The following GALNT13 variants were observed in gnomAD, a reference collection of about 807,000 sequenced individuals.
GALNT13 encodes polypeptide N-acetylgalactosaminyltransferase 13, also known as UDP-GalNAc:polypeptide N-acetylgalactosaminyltransferase 13.
A neutral mutation model predicts 64.2 loss-of-function variants in GALNT13; 28 were observed. The observed-to-expected ratio is 0.44, with a 90% CI of 0.32 to 0.60. The LOEUF is 0.60. GALNT13 is among the 20% of genes least tolerant of loss of function. GALNT13 has a pLI of 0.05. For missense variants in GALNT13, 577 were observed against 669.8 expected (o/e 0.86, Z 1.53); for synonymous variants, 214 against 224.6 (o/e 0.95, Z 0.42).
the GALNT13 span, among the ~76,000 whole-genome samples, chr2:153,220,579 A>G: frequency 6.6e-6 from 1 of 152,344 alleles, no homozygotes; most frequent in Middle Eastern, 3.4e-3. Context: ...GGGGTGCAAG[A>G]TGCTGGAAGC....
chr2:154,100,923 GGAGTTT>G (rs1414122375), intron 3 of GALNT13, among the ~76,000 whole-genome samples: 1 of 148,914 alleles, frequency 6.7e-6, no homozygotes, highest in African/African-American at 2.5e-5. Context: ...AGAGGATGTT[GGAGTTT>G]ATCAAGTGAT....
chr2:153,100,574 CATT>C, the GALNT13 span, among the ~76,000 whole-genome samples: 1 of 152,314 alleles, frequency 6.6e-6, no homozygotes, highest in African/African-American at 2.4e-5. Context: ...TTATCAGTCT[CATT>C]ATTTTATGCT....
intron 3 of GALNT13, among the ~76,000 whole-genome samples, chr2:154,066,980 A>G (rs1400903727): frequency 6.6e-6 from 1 of 152,120 alleles, no homozygotes; most frequent in Non-Finnish European, 1.5e-5. Flanking sequence ...AAAAAGTTAA[A>G]AAGGTTGGAG....
the GALNT13 span, among the ~76,000 whole-genome samples, chr2:153,579,016 C>T: frequency 3.9e-5 from 6 of 152,150 alleles, no homozygotes; most frequent in African/African-American, 7.2e-5. Context: ...CCAGTAAGAA[C>T]TTAAACTTTA....
At chr2:153,116,961 G>A in the GALNT13 span, among the ~76,000 whole-genome samples, 3 of 151,782 alleles carry the variant, frequency 2.0e-5, no homozygotes, top group South Asian at 2.1e-4. Flanking sequence ...CACCACGCCC[G>A]GCTAATATTT....
the GALNT13 span, among the ~76,000 whole-genome samples, chr2:153,420,230 A>C: frequency 6.6e-6 from 1 of 152,204 alleles, no homozygotes; most frequent in South Asian, 2.1e-4. Context: ...CTTATGCTTA[A>C]AAATGGTTAA....
intron 9 of GALNT13, among the ~76,000 whole-genome samples, chr2:154,309,166 T>C (rs780414343): frequency 3.9e-5 from 6 of 152,204 alleles, no homozygotes; most frequent in Non-Finnish European, 5.9e-5. Context: ...AAATGCTTAA[T>C]ACATGGGAAA....
chr2:153,267,392 G>A, the GALNT13 span, among the ~76,000 whole-genome samples: 9 of 152,322 alleles, frequency 5.9e-5, no homozygotes, highest in East Asian at 1.7e-3. Flanking sequence ...TGGACATACA[G>A]GTGTTTCCAT....
chr2:153,840,813 C>T, the GALNT13 span, among the ~76,000 whole-genome samples: 7 of 152,260 alleles, frequency 4.6e-5, no homozygotes, highest in South Asian at 1.2e-3. Context: ...TAATGTTGCT[C>T]ATTGGACAAA....
At chr2:154,384,803 C>T (rs546013912) in intron 9 of GALNT13, among the ~76,000 whole-genome samples, 4 of 151,880 alleles carry the variant, frequency 2.6e-5, no homozygotes, top group South Asian at 2.1e-4. Flanking sequence ...AGTATTATGC[C>T]GAGGATATTC....
chr2:153,413,472 A>G, the GALNT13 span, among the ~76,000 whole-genome samples: 1 of 152,182 alleles, frequency 6.6e-6, no homozygotes, highest in African/African-American at 2.4e-5. Flanking sequence ...TAAGCGGCAT[A>G]CAACTACATC....
chr2:153,448,161 G>T, the GALNT13 span, among the ~76,000 whole-genome samples: 3 of 152,106 alleles, frequency 2.0e-5, no homozygotes, highest in Non-Finnish European at 4.4e-5. Flanking sequence ...TACTGATATG[G>T]ATAAAAGACT....
chr2:153,643,660 A>G, the GALNT13 span, among the ~76,000 whole-genome samples: 1 of 151,888 alleles, frequency 6.6e-6, no homozygotes, highest in African/African-American at 2.4e-5. Flanking sequence ...AAAAGAGTAG[A>G]CATGTAAGTC....
At chr2:154,237,670 T>G (rs1273097005) in intron 4 of GALNT13, among the ~76,000 whole-genome samples, 1 of 151,318 alleles carries the variant, frequency 6.6e-6, no homozygotes, top group Non-Finnish European at 1.5e-5. Flanking sequence ...TCACATGTGT[T>G]AAGATGTGCA....
chr2:153,765,131 C>G, the GALNT13 span, among the ~76,000 whole-genome samples: 1 of 152,230 alleles, frequency 6.6e-6, no homozygotes. Context: ...CACAGGGTCC[C>G]CATTGGTGCA....
intron 4 of GALNT13, among the ~76,000 whole-genome samples, chr2:154,233,484 A>G (rs1197102094): frequency 6.6e-6 from 1 of 152,116 alleles, no homozygotes; most frequent in Non-Finnish European, 1.5e-5. Flanking sequence ...GTTTGAATAG[A>G]TTTATTTCCT....
At chr2:153,205,474 T>C in the GALNT13 span, among the ~76,000 whole-genome samples, 16 of 152,148 alleles carry the variant, frequency 1.1e-4, no homozygotes, top group African/African-American at 3.6e-4. Context: ...TTAATCCAAA[T>C]TTGAATAAAA....
chr2:153,135,694 C>A, the GALNT13 span, among the ~76,000 whole-genome samples: 1 of 151,840 alleles, frequency 6.6e-6, no homozygotes, highest in Non-Finnish European at 1.5e-5. Flanking sequence ...TTTAGGACTT[C>A]ATTATACTTT....
chr2:154,024,129 T>G (rs1276082448), intron 3 of GALNT13, among the ~76,000 whole-genome samples: 2 of 152,154 alleles, frequency 1.3e-5, no homozygotes, highest in Non-Finnish European at 2.9e-5. Context: ...CCCTTAACAT[T>G]TTTTCCTTCA....
Sources: gnomAD v4.1 joint callset for allele counts (sites outside exome capture counted in the v4.1 genomes callset) on GRCh38, gnomAD v4.1.1 for gene constraint, MANE v1.5 for transcripts, NCBI Gene and HGNC (gene_info 2026-07-23, HGNC 2026-07-21) for gene names.